SDC3: variants seen among roughly 807,000 people sequenced by gnomAD.
The protein encoded by SDC3 is syndecan 3.
In SDC3, 13 loss-of-function variants were observed where a neutral mutation model predicts 24.4. That is an observed-to-expected ratio of 0.53 (90% CI 0.35 to 0.85). The LOEUF is 0.85. Ranked by LOEUF, SDC3 falls within the 40% of genes least tolerant of loss-of-function variation. SDC3 has a pLI of 0.01. For synonymous variants in SDC3, 295 were observed against 260.9 expected, an observed-to-expected ratio of 1.13 and a Z score of -1.26; for missense variants, 571 against 584.5, an observed-to-expected ratio of 0.98 and a Z score of 0.24.
chr1:30,894,157 G>A (rs1344154353), intron 1 of SDC3, among the ~76,000 whole-genome samples: 1 of 151,300 alleles, frequency 6.6e-6, no homozygotes, highest in Non-Finnish European at 1.5e-5. Flanking sequence ...GATTGTGAGT[G>A]TGCGTGTGTG....
chr1:30,877,451 G>A (rs1224271160), intron 2 of SDC3: 2 of 588,460 alleles, frequency 3.4e-6, no homozygotes, highest in Non-Finnish European at 6.1e-6. Flanking sequence ...TTTCTATGAG[G>A]TTGAATCCAG....
At chr1:30,886,008 C>T (rs1639822295) in intron 1 of SDC3, among the ~76,000 whole-genome samples, 2 of 152,166 alleles carry the variant, frequency 1.3e-5, no homozygotes, top group African/African-American at 4.8e-5. Flanking sequence ...CCCTGACTCA[C>T]ACTGCTCATT....
chr1:30,909,010 G>A (rs570446303), upstream of SDC3, among the ~76,000 whole-genome samples: 32 of 151,984 alleles, frequency 2.1e-4, no homozygotes, highest in South Asian at 6.4e-3. Context: ...GGAGCCCGCC[G>A]GACGCACCTC....
intron 1 of SDC3, among the ~76,000 whole-genome samples, chr1:30,885,239 G>T (rs1639811053): frequency 6.6e-6 from 1 of 152,186 alleles, no homozygotes; most frequent in Non-Finnish European, 1.5e-5. Flanking sequence ...CTCAGTAAAT[G>T]CTGGCTATTA....
intron 1 of SDC3, among the ~76,000 whole-genome samples, chr1:30,889,339 C>T (rs777115710): frequency 6.6e-6 from 1 of 152,196 alleles, no homozygotes; most frequent in Non-Finnish European, 1.5e-5. Flanking sequence ...GCAAATGGAA[C>T]AATGATATGG....
chr1:30,894,404 G>A (rs1461871236), intron 1 of SDC3, among the ~76,000 whole-genome samples: 1 of 122,894 alleles, frequency 8.1e-6, no homozygotes, highest in Admixed American at 8.2e-5. Context: ...GGGGGAGTGA[G>A]AATGTGTGTG....
At chr1:30,887,627 T>C (rs1175599321) in intron 1 of SDC3, among the ~76,000 whole-genome samples, 1 of 152,166 alleles carries the variant, frequency 6.6e-6, no homozygotes, top group Non-Finnish European at 1.5e-5. Flanking sequence ...AATTGGCTGG[T>C]TTATTTCCGG....
chr1:30,877,390 C>T (rs562980911), intron 2 of SDC3: 13 of 634,560 alleles, frequency 2.0e-5, no homozygotes, highest in African/African-American at 7.4e-5. Context: ...TTCTGGGGGC[C>T]GCCTCTCCCG....
At position 30,908,604 on chromosome 1, in the gene SDC3, G is replaced by T. The variant is rs1038447702; in HGVS notation, c.-18C>A. 3 of 915,474 alleles carry T rather than the reference G, an allele frequency of 3.3e-6. No individual in the cohort carries two copies. The highest frequency in any genetic ancestry group is 4.9e-5 in the South Asian group (1 of 20,570). The allele number at this position is 915,474 out of a possible 1,614,324, so 56.7% of individuals were successfully genotyped here. A position where few individuals can be genotyped will look rare whatever the true frequency, so the allele number is the denominator to read the frequency against. On this transcript the variant is annotated 5_prime_UTR_variant, in exon 1 of 5. Transcript: ENST00000339394. Reference sequence around the variant, plus strand: ...GGCTTCATGGCGGCGGCGCGGGCGCGGGCGGCGGGCGGCGGGCGGGCGCCT... The same window carrying T: ...GGCTTCATGGCGGCGGCGCGGGCGCTGGCGGCGGGCGGCGGGCGGGCGCCT...
In SDC3 at chr1:30,908,524, G is replaced by A. The variant is rs978368629; in HGVS notation, c.63C>T (p.Ala21=). 4.1e-5 allele frequency: 40 copies of A among 965,030 alleles called. No individual in the cohort carries two copies. Among genetic ancestry groups the A allele is most frequent in the African/African-American group, 3.5e-4 (19 of 54,016 alleles). The allele number at this position is 965,030 out of a possible 1,614,324, so 59.8% of individuals were successfully genotyped here. Residue 21 remains alanine (A), a synonymous_variant, in exon 1 of 5, where the codon GCC becomes GCT. Transcript: ENST00000339394. ...GCCCGCGGGCCCCGGGCCCGGCCGC[G>A]GCCCCGGCCCCGGCGCCGGCCCCGT... ...AAHGAGAGAG[A]AAGPGARGLL...
chr1:30,898,925 A>G (rs1638344409), intron 1 of SDC3, among the ~76,000 whole-genome samples: 1 of 152,194 alleles, frequency 6.6e-6, no homozygotes, highest in Admixed American at 6.5e-5. Flanking sequence ...GGAATGTATA[A>G]TAATTAAAAG....
At position 30,872,940 on chromosome 1, in the gene SDC3, T is replaced by G; in HGVS notation, c.*271A>C. The G allele has an allele frequency of 2.2e-6, 1 of 447,828 alleles. No homozygotes were observed. The highest frequency in any genetic ancestry group is 4.0e-6 in the Non-Finnish European group (1 of 252,888). 27.7% of individuals were successfully genotyped at this position (447,828 alleles called of 1,614,324 possible). On this transcript the variant is annotated 3_prime_UTR_variant, in exon 5 of 5. Transcript: ENST00000339394. ...AGGAGCTTTCTTCCTCCCATCCATC[T>G]GACATGAGGTCCTGAAGCCCCAGAC...
intron 1 of SDC3, among the ~76,000 whole-genome samples, chr1:30,902,154 A>G (rs1267664460): frequency 1.3e-5 from 2 of 152,200 alleles, no homozygotes; most frequent in Non-Finnish European, 2.9e-5. Flanking sequence ...GGGGTTGTAG[A>G]ACCCTCTCCA....
At position 30,873,182 on chromosome 1, in the gene SDC3, T is replaced by C; in HGVS notation, c.*29A>G. 1 of 1,579,918 alleles carries C rather than the reference T, an allele frequency of 6.3e-7. No individual in the cohort carries two copies. The highest frequency in any genetic ancestry group is 8.7e-7 in the Non-Finnish European group (1 of 1,150,136). On this transcript the variant is annotated 3_prime_UTR_variant, in exon 5 of 5. Coordinates refer to ENST00000339394, the MANE Select transcript of SDC3 (RefSeq NM_014654.4). ...TGGGGACTGGACAGCAGGGTGGTGTTGAGGCTGCAGGGAGGCACTGTGGCT... is the reference window on the plus strand; with the variant it reads ...TGGGGACTGGACAGCAGGGTGGTGTCGAGGCTGCAGGGAGGCACTGTGGCT...
chr1:30,880,347 G>A (rs139747258), intron 1 of SDC3, among the ~76,000 whole-genome samples: 198 of 147,608 alleles, frequency 1.3e-3, no homozygotes, highest in Middle Eastern at 6.8e-3. Context: ...GACTGAGGGA[G>A]GCCAGGGGGC....
chr1:30,907,858 G>A (rs1638557161), intron 1 of SDC3, among the ~76,000 whole-genome samples: 1 of 152,156 alleles, frequency 6.6e-6, no homozygotes, highest in African/African-American at 2.4e-5. Flanking sequence ...GCCCTGGCCG[G>A]CTGCCGCGAC....
At chr1:30,907,276 A>C (rs1002137883) in intron 1 of SDC3, among the ~76,000 whole-genome samples, 4 of 152,190 alleles carry the variant, frequency 2.6e-5, no homozygotes, top group African/African-American at 9.6e-5. Context: ...ACAAGAACTC[A>C]TCTGGGGCCT....
At chr1:30,905,720 A>G (rs1638506363) in intron 1 of SDC3, among the ~76,000 whole-genome samples, 3 of 152,134 alleles carry the variant, frequency 2.0e-5, no homozygotes, top group Admixed American at 2.0e-4. Context: ...TAAAATGTTC[A>G]GGATCCTCAC....
chr1:30,897,232 A>G (rs1638289054), intron 1 of SDC3, among the ~76,000 whole-genome samples: 2 of 152,198 alleles, frequency 1.3e-5, no homozygotes, highest in East Asian at 1.9e-4. Context: ...CAGCTCAGCC[A>G]TCAACTTGTT....
Sources: gnomAD v4.1 joint callset for allele counts (sites outside exome capture counted in the v4.1 genomes callset) on GRCh38, gnomAD v4.1.1 for gene constraint, MANE v1.5 for transcripts, NCBI Gene and HGNC (gene_info 2026-07-23, HGNC 2026-07-21) for gene names.